Variants in NR1I2 observed in about 807,000 individuals in gnomAD.
NR1I2 encodes nuclear receptor subfamily 1 group I member 2.
NR1I2 carries 42 observed loss-of-function variants against 43.3 expected under a neutral mutation model. The ratio of observed to expected loss-of-function variants is 0.97; its 90% confidence interval spans 0.76 to 1.26. NR1I2 has a LOEUF of 1.26. Among genes scored for constraint, NR1I2 ranks in the 50% most tolerant of loss-of-function variants. The pLI is 0.00. For missense variants in NR1I2, 559 were observed against 566.7 expected, an observed-to-expected ratio of 0.99 and a Z score of 0.14; for synonymous variants, 229 against 215.0, an observed-to-expected ratio of 1.06 and a Z score of -0.57.
At chr3:119,791,972 G>T in intron 1 of NR1I2, 1 of 691,956 alleles carries the variant, frequency 1.4e-6, no homozygotes. Flanking sequence ...TTGTGGTAGG[G>T]TAAGGGACTC....
intron 1 of NR1I2, among the ~76,000 whole-genome samples, chr3:119,788,223 C>T (rs916341150): frequency 6.6e-6 from 1 of 152,094 alleles, no homozygotes; most frequent in Admixed American, 6.5e-5. Flanking sequence ...AAGTGATCCT[C>T]CCGCCTCAGC....
rs577924162 is a variant in NR1I2 at position 119,792,905 on chromosome 3, C to T, written c.-23+10605C>T. Among the ~76,000 whole-genome samples the T allele has an allele frequency of 4.5e-3, 681 of 151,900 alleles. 1 individual carries two copies. Among genetic ancestry groups the T allele is most frequent in the Non-Finnish European group, 6.7e-3 (457 of 67,874 alleles). ...CAAAAAACAAACAAAAAAAAAGAAACGTGGCCTCCAATGTTGGAGGTAGGC... is the reference window on the plus strand; with the variant it reads ...CAAAAAACAAACAAAAAAAAAGAAATGTGGCCTCCAATGTTGGAGGTAGGC... On this transcript the variant is annotated intron_variant, in intron 1 of 8. Coordinates refer to ENST00000393716, the MANE Select transcript of NR1I2 (RefSeq NM_003889.4).
At chr3:119,812,461 C>T (rs12721603) in intron 4 of NR1I2, among the ~76,000 whole-genome samples, 1,675 of 152,260 alleles carry the variant, frequency 0.011, 28 homozygotes, top group African/African-American at 0.039. Flanking sequence ...ATTCATAGAT[C>T]CCCAAAGCAC....
At position 119,811,558 on chromosome 3, in the gene NR1I2, C is replaced by A; in HGVS notation, c.351C>A (p.Ala117=). The change falls in exon 4 of 9, where the codon GCC becomes GCA. Residue 117 remains alanine (A), a synonymous_variant. Coordinates refer to ENST00000393716, the MANE Select transcript of NR1I2 (RefSeq NM_003889.4). ...CTGCAGTGATCATGTCCGACGAGGC[C>A]GTGGAGGAGAGGCGGGCCTTGATCA... 6.2e-7 allele frequency: 1 copy of A among 1,613,396 alleles called. No homozygotes were observed. Among genetic ancestry groups the A allele is most frequent in the Non-Finnish European group, 8.5e-7 (1 of 1,179,652 alleles).
intron 1 of NR1I2, among the ~76,000 whole-genome samples, chr3:119,789,247 T>C (rs1423998662): frequency 6.6e-6 from 1 of 152,216 alleles, no homozygotes; most frequent in Non-Finnish European, 1.5e-5. Flanking sequence ...TATCTTTTTC[T>C]TCCTGATTGT....
Position 119,817,392 on chromosome 3 carries a change from C to T in NR1I2, c.*180C>T, listed in dbSNP as rs1483364016. 1.4e-6 allele frequency: 2 copies of T among 1,477,466 alleles called. No individual in the cohort carries two copies. Among genetic ancestry groups the T allele is most frequent in the African/African-American group, 2.8e-5 (2 of 71,872 alleles). The allele number at this position is 1,477,466 out of a possible 1,614,324, so 91.5% of individuals were successfully genotyped here. On this transcript the variant is annotated 3_prime_UTR_variant, in exon 9 of 9. Coordinates refer to ENST00000393716, the MANE Select transcript of NR1I2 (RefSeq NM_003889.4). ...ATTCCTCAGGAAGGACATGGGTGCC[C>T]CCCACCCCCAGTTCAGTCTGTAGGG...
chr3:119,807,753 C>T (rs2055181785), intron 2 of NR1I2, among the ~76,000 whole-genome samples: 1 of 152,162 alleles, frequency 6.6e-6, no homozygotes, highest in Non-Finnish European at 1.5e-5. Context: ...TCCAAGTGTT[C>T]ACATCCGCCT....
chr3:119,817,439 G>A lies in NR1I2; in HGVS notation c.*227G>A, dbSNP rs768213211. On this transcript the variant is annotated 3_prime_UTR_variant, in exon 9 of 9. Transcript: ENST00000393716. Reference sequence around the variant, plus strand: ...AGGGAGTGAAGCCACAGACTCTTACGTGGAGAGTGCACTGACCTGTAGGTC... The same window carrying A: ...AGGGAGTGAAGCCACAGACTCTTACATGGAGAGTGCACTGACCTGTAGGTC... 2.3e-5 allele frequency: 32 copies of A among 1,406,250 alleles called. No individual in the cohort carries two copies. Among genetic ancestry groups the A allele is most frequent in the South Asian group, 2.9e-5 (2 of 70,074 alleles). The allele number at this position is 1,406,250 out of a possible 1,614,324, so 87.1% of individuals were successfully genotyped here.
rs1402973056 is a variant in NR1I2 at position 119,815,033 on chromosome 3, G to C, written c.849G>C (p.Leu283=). The C allele has an allele frequency of 6.2e-7, 1 of 1,614,072 alleles. No homozygotes were observed. Among genetic ancestry groups the C allele is most frequent in the African/African-American group, 1.3e-5 (1 of 74,920 alleles). Reference sequence around the variant, plus strand: ...TGCTGAAGGGGGCCGCTTTCGAGCTGTGTCAACTGAGATTCAACACAGTGT... The same window carrying C: ...TGCTGAAGGGGGCCGCTTTCGAGCTCTGTCAACTGAGATTCAACACAGTGT... The change falls in exon 6 of 9, where the codon CTG becomes CTC. Residue 283 remains leucine, a synonymous_variant. Transcript: ENST00000393716.
chr3:119,790,370 A>G (rs2054902633), intron 1 of NR1I2, among the ~76,000 whole-genome samples: 1 of 152,168 alleles, frequency 6.6e-6, no homozygotes, highest in Non-Finnish European at 1.5e-5. Flanking sequence ...TGTGAACATC[A>G]GTGTACAAAT....
intron 5 of NR1I2, among the ~76,000 whole-genome samples, chr3:119,813,385 G>A (rs1386602562): frequency 6.6e-6 from 1 of 152,184 alleles, no homozygotes; most frequent in Non-Finnish European, 1.5e-5. Flanking sequence ...GCCATGGGGA[G>A]GGCGGGTGGT....
In NR1I2 at chr3:119,815,743, C is replaced by T. The variant is rs762924091; in HGVS notation, c.1072C>T (p.Gln358Ter). The T allele has an allele frequency of 1.2e-6, 2 of 1,613,516 alleles. No homozygotes were observed. Among genetic ancestry groups the T allele is most frequent in the Non-Finnish European group, 1.7e-6 (2 of 1,179,780 alleles). Reference sequence around the variant, plus strand: ...CCCTCCAGACCGCCCAGGTGTGCTGCAGCACCGCGTGGTGGACCAGCTGCA... The same window carrying T: ...CCCTCCAGACCGCCCAGGTGTGCTGTAGCACCGCGTGGTGGACCAGCTGCA... Residue 358 changes from glutamine to a stop codon, truncating the protein, a stop_gained, in exon 8 of 9, where the codon CAG becomes TAG. Transcript: ENST00000393716. LOFTEE classifies it high-confidence loss of function.
chr3:119,785,357 A>C (rs2054830530), intron 1 of NR1I2, among the ~76,000 whole-genome samples: 1 of 152,258 alleles, frequency 6.6e-6, no homozygotes. Flanking sequence ...ACCTGAGGAC[A>C]GAACTAACTG....
intron 1 of NR1I2, among the ~76,000 whole-genome samples, chr3:119,791,276 G>A (rs1024403417): frequency 2.6e-5 from 4 of 152,184 alleles, no homozygotes; most frequent in Non-Finnish European, 4.4e-5. Context: ...TGGGCACCAG[G>A]AGCTTCTCTG....
In NR1I2 at chr3:119,815,420, C is replaced by T; in HGVS notation, c.1035C>T (p.Ala345=). 5 of 1,612,482 alleles carry T rather than the reference C, an allele frequency of 3.1e-6. No homozygotes were observed. The highest frequency in any genetic ancestry group is 4.2e-6 in the Non-Finnish European group (5 of 1,179,590). ...AGGAGGAGTATGTGCTGATGCAGGC[C>T]ATCTCCCTCTTCTCCCCAGGTGAGG... The change falls in exon 7 of 9, where the codon GCC becomes GCT. Residue 345 remains alanine, a synonymous_variant. Transcript: ENST00000393716.
chr3:119,811,564 G>A lies in NR1I2; in HGVS notation c.357G>A (p.Glu119=), dbSNP rs778749170. Residue 119 remains glutamate (E), a synonymous_variant, in exon 4 of 9, where the codon GAG becomes GAA. Transcript: ENST00000393716. ...TGATCATGTCCGACGAGGCCGTGGA[G>A]GAGAGGCGGGCCTTGATCAAGCGGA... 20 of 1,613,168 alleles carry A rather than the reference G, an allele frequency of 1.2e-5. No individual in the cohort carries two copies. In the South Asian group the frequency reaches 1.6e-4, roughly 13 times the overall value.
intron 1 of NR1I2, among the ~76,000 whole-genome samples, chr3:119,795,542 G>T (rs969405416): frequency 1.3e-5 from 2 of 152,038 alleles, no homozygotes; most frequent in Non-Finnish European, 2.9e-5. Flanking sequence ...GTTTCTCTGG[G>T]CTCCCCGTTA....
At position 119,814,920 on chromosome 3, in the gene NR1I2, T is replaced by C. The variant is rs2055296571; in HGVS notation, c.795-59T>C. The stretch of plus-strand genomic sequence containing the variant: ...TTCTGGATTATGGGATGGCTGCTGG[T>C]GCCGGTCTGTGGGCTGCCTCCCAGG... On this transcript the variant is annotated intron_variant, in intron 5 of 8. Transcript: ENST00000393716. The C allele has an allele frequency of 3.1e-6, 5 of 1,609,932 alleles. No individual in the cohort carries two copies. In the South Asian group the frequency reaches 4.4e-5, roughly 14 times the overall value.
Position 119,792,788 on chromosome 3 carries a change from T to A in NR1I2, c.-23+10488T>A, listed in dbSNP as rs138205993. ...TACTCGGGAAGCTGAGGTAGGAGAA[T>A]CACTTGAACCCAGGAGGCAGAGGAT... On this transcript the variant is annotated intron_variant, in intron 1 of 8. Coordinates refer to ENST00000393716, the MANE Select transcript of NR1I2 (RefSeq NM_003889.4). 3.9e-3 allele frequency among the ~76,000 whole-genome samples: 587 copies of A among 152,102 alleles called. 4 individuals are homozygous for A. Among genetic ancestry groups the A allele is most frequent in the African/African-American group, 0.013 (545 of 41,474 alleles).
Sources: gnomAD v4.1 joint callset for allele counts (sites outside exome capture counted in the v4.1 genomes callset) on GRCh38, gnomAD v4.1.1 for gene constraint, MANE v1.5 for transcripts, NCBI Gene and HGNC (gene_info 2026-07-23, HGNC 2026-07-21) for gene names.